Variants in PIP4K2A observed in about 807,000 individuals in gnomAD.
PIP4K2A encodes phosphatidylinositol-5-phosphate 4-kinase type 2 alpha.
In PIP4K2A, 14 loss-of-function variants were observed where a neutral mutation model predicts 42.9. The ratio of observed to expected loss-of-function variants is 0.33; its 90% CI spans 0.22 to 0.51. The LOEUF (loss-of-function observed/expected upper bound fraction) is 0.51. Ranked by LOEUF, PIP4K2A falls within the 20% of genes least tolerant of loss-of-function variation. The pLI is 0.97. For synonymous variants in PIP4K2A, 192 were observed against 192.2 expected, an observed-to-expected ratio of 1.00 and a Z score of 0.01; for missense variants, 434 against 519.8, an observed-to-expected ratio of 0.83 and a Z score of 1.61.
intron 1 of PIP4K2A, among the ~76,000 whole-genome samples, chr10:22,699,459 C>A (rs935029567): frequency 1.3e-5 from 2 of 151,616 alleles, no homozygotes; most frequent in African/African-American, 4.9e-5. Context: ...TGCTGAGTAG[C>A]GCAGGGAGAC....
chr10:22,688,606 C>T (rs1315350672), intron 1 of PIP4K2A, among the ~76,000 whole-genome samples: 2 of 152,130 alleles, frequency 1.3e-5, no homozygotes, highest in Non-Finnish European at 2.9e-5. Context: ...GCACTCACCA[C>T]CATGCCTGGT....
At chr10:22,600,878 C>T (rs1837747381) in intron 3 of PIP4K2A, among the ~76,000 whole-genome samples, 1 of 152,016 alleles carries the variant, frequency 6.6e-6, no homozygotes, top group South Asian at 2.1e-4. Context: ...AAAATCTAAG[C>T]TGTGATCTCA....
At position 22,542,054 on chromosome 10, in the gene PIP4K2A, A is replaced by T. The variant is rs1836133116; in HGVS notation, c.793-7T>A. ...GCTTCAGCTGGGCCAGAAACTGGGG[A>T]CAGAGGCAACAGGGTGAGTCAGCCA... On this transcript the variant is annotated splice_polypyrimidine_tract_variant and splice_region_variant and intron_variant, in intron 7 of 9. Coordinates refer to ENST00000376573, the MANE Select transcript of PIP4K2A (RefSeq NM_005028.5). 1 of 1,601,038 alleles carries T rather than the reference A, an allele frequency of 6.2e-7. No homozygotes were observed. Among genetic ancestry groups the T allele is most frequent in the South Asian group, 1.1e-5 (1 of 88,676 alleles).
chr10:22,647,870 C>T (rs940743749), intron 1 of PIP4K2A, among the ~76,000 whole-genome samples: 2 of 152,162 alleles, frequency 1.3e-5, no homozygotes, highest in African/African-American at 4.8e-5. Flanking sequence ...GCCCTGGAAG[C>T]AGAGAGCTGG....
chr10:22,687,879 C>T (rs985670264), intron 1 of PIP4K2A, among the ~76,000 whole-genome samples: 3 of 152,092 alleles, frequency 2.0e-5, no homozygotes, highest in Non-Finnish European at 4.4e-5. Context: ...TCTGCAAATG[C>T]GGAACATGCA....
chr10:22,654,746 C>T (rs1232484774), intron 1 of PIP4K2A, among the ~76,000 whole-genome samples: 2 of 152,086 alleles, frequency 1.3e-5, no homozygotes, highest in Admixed American at 6.5e-5. Flanking sequence ...ACCTCTGAGC[C>T]CTCCCCTCAC....
At chr10:22,570,839 T>TAA (rs113918920) in intron 5 of PIP4K2A, among the ~76,000 whole-genome samples, 1 of 145,400 alleles carries the variant, frequency 6.9e-6, no homozygotes, top group African/African-American at 2.5e-5. Context: ...GTTTGTGATT[T>TAA]AAAAAAAAAA....
At chr10:22,577,902 A>G (rs1837162341) in intron 4 of PIP4K2A, among the ~76,000 whole-genome samples, 1 of 152,208 alleles carries the variant, frequency 6.6e-6, no homozygotes, top group South Asian at 2.1e-4. Context: ...TCCTGGCTTG[A>G]ACGTACACTT....
At chr10:22,661,503 G>T (rs1401107950) in intron 1 of PIP4K2A, among the ~76,000 whole-genome samples, 1 of 151,814 alleles carries the variant, frequency 6.6e-6, no homozygotes, top group African/African-American at 2.4e-5. Flanking sequence ...CCACAGGCAC[G>T]CACCACTGTG....
chr10:22,551,226 T>C (rs1836403792), intron 6 of PIP4K2A, among the ~76,000 whole-genome samples: 2 of 152,128 alleles, frequency 1.3e-5, no homozygotes, highest in East Asian at 1.9e-4. Context: ...GCAAATAACA[T>C]GTTATCTTGT....
At chr10:22,680,326 G>A (rs899731975) in intron 1 of PIP4K2A, among the ~76,000 whole-genome samples, 1 of 152,084 alleles carries the variant, frequency 6.6e-6, no homozygotes, top group African/African-American at 2.4e-5. Context: ...GGTATTAATC[G>A]TGATTATCTT....
chr10:22,561,660 C>T (rs1406427697), intron 6 of PIP4K2A, among the ~76,000 whole-genome samples: 1 of 144,498 alleles, frequency 6.9e-6, no homozygotes, highest in Non-Finnish European at 1.5e-5. Context: ...ACTGCAGCAT[C>T]GACATCCTGA....
chr10:22,597,294 C>T (rs757150410), intron 3 of PIP4K2A, among the ~76,000 whole-genome samples: 1 of 152,204 alleles, frequency 6.6e-6, no homozygotes, highest in African/African-American at 2.4e-5. Flanking sequence ...GGCACTCACA[C>T]AGCGTAACAC....
chr10:22,537,786 G>A (rs1292560577), intron 9 of PIP4K2A, among the ~76,000 whole-genome samples: 1 of 152,174 alleles, frequency 6.6e-6, no homozygotes, highest in African/African-American at 2.4e-5. Context: ...GCTCAAACAT[G>A]AGGGGCAACA....
chr10:22,657,577 G>GA (rs1415429234), intron 1 of PIP4K2A, among the ~76,000 whole-genome samples: 3 of 151,982 alleles, frequency 2.0e-5, no homozygotes, highest in Admixed American at 6.6e-5. Context: ...GCTTTGACAC[G>GA]AAAAAAACAG....
At chr10:22,676,708 A>T (rs1330900966) in intron 1 of PIP4K2A, among the ~76,000 whole-genome samples, 1 of 152,192 alleles carries the variant, frequency 6.6e-6, no homozygotes, top group Non-Finnish European at 1.5e-5. Flanking sequence ...TAACTGGGCA[A>T]CTGCTATAGT....
At chr10:22,661,257 T>C (rs999604275) in intron 1 of PIP4K2A, among the ~76,000 whole-genome samples, 8 of 151,982 alleles carry the variant, frequency 5.3e-5, no homozygotes, top group Non-Finnish European at 1.0e-4. Flanking sequence ...TGGAGTTTTC[T>C]CATGAAAGCA....
At chr10:22,580,440 A>G (rs944740892) in intron 4 of PIP4K2A, among the ~76,000 whole-genome samples, 1 of 152,010 alleles carries the variant, frequency 6.6e-6, no homozygotes, top group Non-Finnish European at 1.5e-5. Flanking sequence ...ACTTGAGCCC[A>G]GGAGTTTGAG....
rs372994098 is a variant in PIP4K2A at position 22,624,605 on chromosome 10, C to A, written c.145-14888G>T. ...TTAGGAGATGAGTCATGCACTTTTC[C>A]CTTATAAAACATGTGTTCCAAATTC... On this transcript the variant is annotated intron_variant, in intron 1 of 9. Transcript: ENST00000376573. Among the ~76,000 whole-genome samples the A allele has an allele frequency of 5.3e-5, 8 of 152,204 alleles. No individual in the cohort carries two copies. The East Asian group carries it at 1.5e-3, about 29-fold the overall frequency.
Sources: gnomAD v4.1 joint callset for allele counts (sites outside exome capture counted in the v4.1 genomes callset) on GRCh38, gnomAD v4.1.1 for gene constraint, MANE v1.5 for transcripts, NCBI Gene and HGNC (gene_info 2026-07-23, HGNC 2026-07-21) for gene names.